Variants in SACM1L observed in about 807,000 individuals in gnomAD.
SACM1L encodes the protein phosphatidylinositol-3-phosphatase SAC1.
A neutral mutation model predicts 89.5 loss-of-function variants in SACM1L; 32 were observed. The observed-to-expected ratio is 0.36, with a 90% confidence interval of 0.27 to 0.48. SACM1L has a LOEUF of 0.48. Ranked by LOEUF, SACM1L falls within the 20% of genes least tolerant of loss-of-function variation. The probability of loss-of-function intolerance (pLI) is 0.99; values close to 1 mark genes in which losing one functional copy is unlikely to be tolerated. For synonymous variants in SACM1L, 213 were observed against 232.8 expected (o/e 0.92, Z 0.77); for missense variants, 543 against 708.5 (o/e 0.77, Z 2.65).
chr3:45,722,128 TC>T, intron 9 of SACM1L, 43 bp downstream of exon 9: 1 of 1,148,670 alleles, frequency 8.7e-7, no homozygotes, highest in Non-Finnish European at 1.3e-6. Flanking sequence ...GTTGGCCTTT[TC>T]TGCTTGGATT....
chr3:45,741,913 A>T (rs1699324354), intron 19 of SACM1L, among the ~76,000 whole-genome samples: 1 of 152,220 alleles, frequency 6.6e-6, no homozygotes, highest in Non-Finnish European at 1.5e-5. Context: ...AGGAAGGAAG[A>T]GGCAGCATGT....
At chr3:45,704,522 C>A (rs894563567) in intron 2 of SACM1L, among the ~76,000 whole-genome samples, 1 of 152,098 alleles carries the variant, frequency 6.6e-6, no homozygotes, top group Non-Finnish European at 1.5e-5. Context: ...CTCAAGATAG[C>A]TGACTGGTTT....
chr3:45,735,118 C>T (rs951121105), intron 13 of SACM1L, 117 bp from the exon 14 acceptor site: 2 of 1,004,144 alleles, frequency 2.0e-6, no homozygotes, highest in Non-Finnish European at 2.9e-6. Flanking sequence ...TCCTGTCTGA[C>T]CTTTTAATTT....
intron 13 of SACM1L, among the ~76,000 whole-genome samples, chr3:45,733,309 C>T (rs968194004): frequency 1.3e-5 from 2 of 152,142 alleles, no homozygotes; most frequent in African/African-American, 4.8e-5. Context: ...TCCAACACAC[C>T]TTGGTTTGAA....
chr3:45,689,509 GGGCCA>G lies in SACM1L; in HGVS notation c.32+14_32+18del. 2 of 1,574,864 alleles carry G rather than the reference GGGCCA, an allele frequency of 1.3e-6. No homozygotes were observed. Among genetic ancestry groups the G allele is most frequent in the Non-Finnish European group, 1.7e-6 (2 of 1,161,052 alleles). ...GAGCAGCTGAAGCTGTGAGTCCCAC[GGGCCA>G]GAGGCCTGAGGCGCGGCGGGCGGGG... On this transcript the variant is annotated intron_variant, in intron 1 of 19. Coordinates refer to ENST00000389061, the MANE Select transcript of SACM1L (RefSeq NM_014016.5).
chr3:45,710,287 G>A (rs927219987), intron 5 of SACM1L, among the ~76,000 whole-genome samples: 2 of 150,406 alleles, frequency 1.3e-5, no homozygotes, highest in East Asian at 2.0e-4. Context: ...TGCAACCTCT[G>A]CCTCCTGGGT....
intron 1 of SACM1L, among the ~76,000 whole-genome samples, chr3:45,702,016 G>A (rs536904855): frequency 6.6e-6 from 1 of 152,334 alleles, no homozygotes; most frequent in East Asian, 1.9e-4. Flanking sequence ...AAAAAGGAAT[G>A]AATTGTTGTG....
At chr3:45,718,716 T>C (rs1698721489) in intron 7 of SACM1L, among the ~76,000 whole-genome samples, 1 of 152,196 alleles carries the variant, frequency 6.6e-6, no homozygotes, top group Non-Finnish European at 1.5e-5. Context: ...TATTTCATAA[T>C]AAAAACATTT....
At chr3:45,690,967 G>C (rs1298103658) in intron 1 of SACM1L, among the ~76,000 whole-genome samples, 1 of 152,188 alleles carries the variant, frequency 6.6e-6, no homozygotes, top group Non-Finnish European at 1.5e-5. Context: ...GCAGCTTAGC[G>C]TGGCAAAGAT....
intron 11 of SACM1L, chr3:45,730,720 C>G (rs552559121): frequency 6.6e-6 from 1 of 152,296 alleles, no homozygotes; most frequent in Admixed American, 6.5e-5. Flanking sequence ...TTTGAAAGTC[C>G]TAATTTCCTA....
chr3:45,733,009 C>G (rs2742461), intron 13 of SACM1L, among the ~76,000 whole-genome samples: 146,079 of 152,314 alleles, frequency 0.96, 70,054 homozygotes, highest in Middle Eastern at 0.99. Context: ...TTTTCTGTGA[C>G]GTTTTGCCAT....
At chr3:45,719,173 C>A (rs1575400197) in intron 7 of SACM1L, among the ~76,000 whole-genome samples, 2 of 151,978 alleles carry the variant, frequency 1.3e-5, no homozygotes, top group East Asian at 3.9e-4. Context: ...TTTATGTTTT[C>A]CATTCAGAGT....
chr3:45,736,026 C>T (rs1366124815), intron 14 of SACM1L, among the ~76,000 whole-genome samples: 1 of 152,088 alleles, frequency 6.6e-6, no homozygotes, highest in South Asian at 2.1e-4. Flanking sequence ...GCCACCACAC[C>T]TGGCTAATTT....
In SACM1L at chr3:45,698,557, C is replaced by CT. The variant is rs575804594; in HGVS notation, c.33-4871dup. Among the ~76,000 whole-genome samples, 144 of 150,064 alleles carry CT rather than the reference C, an allele frequency of 9.6e-4. 1 individual carries two copies. Among genetic ancestry groups the CT allele is most frequent in the Non-Finnish European group, 1.5e-3 (102 of 67,268 alleles). On this transcript the variant is annotated intron_variant, in intron 1 of 19. Transcript: ENST00000389061. Reference sequence around the variant, plus strand: ...CTTATTTGTATACTTTGTTATAATACTTTTTTTTTTGAGACAAAGTCTCGC... The same window carrying CT: ...CTTATTTGTATACTTTGTTATAATACTTTTTTTTTTTGAGACAAAGTCTCGC...
At chr3:45,701,898 G>A (rs2742438) in intron 1 of SACM1L, among the ~76,000 whole-genome samples, 5 of 151,972 alleles carry the variant, frequency 3.3e-5, no homozygotes, top group Non-Finnish European at 2.9e-5. Flanking sequence ...TCCTAGAACC[G>A]TTCCTTTATT....
At chr3:45,707,803 G>A (rs942806152) in intron 4 of SACM1L, among the ~76,000 whole-genome samples, 1 of 152,210 alleles carries the variant, frequency 6.6e-6, no homozygotes, top group Admixed American at 6.5e-5. Flanking sequence ...TTAGGAAGGT[G>A]TATGACAGTT....
chr3:45,704,417 T>G (rs1206447318), intron 2 of SACM1L, among the ~76,000 whole-genome samples: 1 of 152,192 alleles, frequency 6.6e-6, no homozygotes, highest in Non-Finnish European at 1.5e-5. Flanking sequence ...TGGTAGGTAC[T>G]ATATATAGTT....
intron 5 of SACM1L, among the ~76,000 whole-genome samples, 196 bp downstream of exon 5, chr3:45,709,843 A>T (rs1698480871): frequency 6.6e-6 from 1 of 152,232 alleles, no homozygotes; most frequent in Non-Finnish European, 1.5e-5. Flanking sequence ...GTATATATAC[A>T]GCCAGAATTG....
At chr3:45,725,641 G>T (rs1698900984) in intron 11 of SACM1L, among the ~76,000 whole-genome samples, 1 of 150,020 alleles carries the variant, frequency 6.7e-6, no homozygotes, top group Admixed American at 6.6e-5. Flanking sequence ...CGTGTCACCT[G>T]TGAACAGAGA....
Sources: gnomAD v4.1 joint callset for allele counts (sites outside exome capture counted in the v4.1 genomes callset) on GRCh38, gnomAD v4.1.1 for gene constraint, MANE v1.5 for transcripts, NCBI Gene and HGNC (gene_info 2026-07-23, HGNC 2026-07-21) for gene names.